The following NTM variants were observed in gnomAD, a reference collection of about 807,000 sequenced individuals.
The protein encoded by NTM is neurotrimin.
In NTM, 13 loss-of-function variants were observed where a neutral mutation model predicts 42.1. The observed-to-expected ratio is 0.31, with a 90% confidence interval of 0.20 to 0.49. The LOEUF (loss-of-function observed/expected upper bound fraction) is 0.49. NTM is among the 20% of genes least tolerant of loss of function. The pLI is 0.99. For synonymous variants in NTM, 187 were observed against 179.2 expected (o/e 1.04, Z -0.35); for missense variants, 373 against 452.8 (o/e 0.82, Z 1.60).
At chr11:131,869,070 G>T (rs1249027417) in intron 1 of NTM, among the ~76,000 whole-genome samples, 1 of 151,280 alleles carries the variant, frequency 6.6e-6, no homozygotes, top group African/African-American at 2.4e-5. Flanking sequence ...CTGACAGACA[G>T]CATGACCACG....
At chr11:131,625,298 G>T (rs972910039) in intron 1 of NTM, among the ~76,000 whole-genome samples, 12 of 152,120 alleles carry the variant, frequency 7.9e-5, no homozygotes, top group Non-Finnish European at 1.6e-4. Context: ...CCCCCATGAT[G>T]GTCTTTATGG....
intron 1 of NTM, among the ~76,000 whole-genome samples, chr11:131,637,652 C>T (rs1247627774): frequency 6.6e-6 from 1 of 151,818 alleles, no homozygotes; most frequent in African/African-American, 2.4e-5. Context: ...ATTATCTGCT[C>T]ATCTCTGCTC....
In NTM at chr11:131,488,128, A is replaced by G. The variant is rs148243588; in HGVS notation, c.82+117240A>G. On this transcript the variant is annotated intron_variant, in intron 1 of 8. Coordinates refer to ENST00000683400, the MANE Select transcript of NTM (RefSeq NM_001352005.2). ...AATCACCATGAATCCAAGAAAACTC[A>G]GGCTTCAGGGGCTTTTCCCATTATG... Among the ~76,000 whole-genome samples, 412 of 152,310 alleles carry G rather than the reference A, an allele frequency of 2.7e-3. 2 individuals carry two copies. Among genetic ancestry groups the G allele is most frequent in the African/African-American group, 9.4e-3 (389 of 41,570 alleles).
intron 1 of NTM, among the ~76,000 whole-genome samples, chr11:131,841,238 A>T (rs1301074569): frequency 6.6e-6 from 1 of 152,202 alleles, no homozygotes. Flanking sequence ...AGTTATACTT[A>T]TTGTTTGGGG....
At chr11:132,142,960 G>T (rs1591794433) in intron 2 of NTM, among the ~76,000 whole-genome samples, 1 of 152,258 alleles carries the variant, frequency 6.6e-6, no homozygotes, top group African/African-American at 2.4e-5. Flanking sequence ...TGCCCTCGTT[G>T]TGGGCATCAA....
In NTM at chr11:131,881,513, C is replaced by A. The variant is rs1242965136; in HGVS notation, c.83-30051C>A. Among the ~76,000 whole-genome samples the A allele has an allele frequency of 1.6e-4, 16 of 98,370 alleles. 2 individuals are homozygous for A. The highest frequency in any genetic ancestry group is 6.0e-3 in the Middle Eastern group (1 of 168). 64.5% of individuals were successfully genotyped at this position (98,370 alleles called of 152,430 possible). A position where few individuals can be genotyped will look rare whatever the true frequency, so the allele number is the denominator to read the frequency against. On this transcript the variant is annotated intron_variant, in intron 1 of 8. Transcript: ENST00000683400. ...ACACACACACACACACACACACCCC[C>A]CAAAGCTTTGACGCAGAGGAGCAGC...
intron 4 of NTM, among the ~76,000 whole-genome samples, chr11:132,237,058 A>G (rs1345162642): frequency 6.6e-6 from 1 of 152,192 alleles, no homozygotes; most frequent in African/African-American, 2.4e-5. Flanking sequence ...CCCTGATGAG[A>G]TCTGCTGGTT....
chr11:131,514,022 G>T (rs752957738), intron 1 of NTM, among the ~76,000 whole-genome samples: 3 of 151,998 alleles, frequency 2.0e-5, no homozygotes, highest in East Asian at 1.9e-4. Flanking sequence ...TTGGCCTAAG[G>T]CTTCACCAGG....
intron 6 of NTM, among the ~76,000 whole-genome samples, chr11:132,314,172 CCATCACCATCAT>C (rs776760151): frequency 6.8e-6 from 1 of 148,008 alleles, no homozygotes; most frequent in Admixed American, 6.7e-5. Flanking sequence ...GTCATCATCA[CCATCACCATCAT>C]CATCATCAGG....
intron 2 of NTM, among the ~76,000 whole-genome samples, chr11:131,945,079 C>T (rs1459525085): frequency 1.3e-5 from 2 of 152,140 alleles, no homozygotes; most frequent in African/African-American, 4.8e-5. Context: ...CCCCTTTCAC[C>T]AAGCACAAAT....
Position 132,201,405 on chromosome 11 carries a change from T to G in NTM, c.401-10617T>G, listed in dbSNP as rs531747493. Among the ~76,000 whole-genome samples the G allele has an allele frequency of 2.4e-3, 370 of 152,284 alleles. 3 individuals are homozygous for G. The highest frequency in any genetic ancestry group is 8.5e-3 in the African/African-American group (353 of 41,570). ...ATGAACATCAGCTGCATTCTTGCTT[T>G]GGGAAAGGAAAGTCACAGTAAGGTG... On this transcript the variant is annotated intron_variant, in intron 3 of 8. Transcript: ENST00000683400.
At chr11:131,471,505 AGT>A (rs1257666491) in intron 1 of NTM, among the ~76,000 whole-genome samples, 1 of 152,198 alleles carries the variant, frequency 6.6e-6, no homozygotes, top group African/African-American at 2.4e-5. Flanking sequence ...GTGTTTTAAG[AGT>A]GTGTAACGGA....
chr11:131,540,102 C>A (rs2052973735), intron 1 of NTM, among the ~76,000 whole-genome samples: 1 of 150,186 alleles, frequency 6.7e-6, no homozygotes, highest in South Asian at 2.1e-4. Context: ...AAATGCATAG[C>A]AACTCAACAT....
intron 2 of NTM, among the ~76,000 whole-genome samples, chr11:132,087,045 A>G (rs1047022614): frequency 6.6e-6 from 1 of 152,180 alleles, no homozygotes; most frequent in Non-Finnish European, 1.5e-5. Context: ...CTGCTCACCT[A>G]GAAAGAGGGG....
intron 1 of NTM, among the ~76,000 whole-genome samples, chr11:131,818,179 C>T (rs1041377278): frequency 9.2e-5 from 14 of 152,076 alleles, no homozygotes; most frequent in African/African-American, 3.4e-4. Flanking sequence ...ACAGTGATTT[C>T]CAGGGAATTA....
intron 1 of NTM, among the ~76,000 whole-genome samples, chr11:131,479,459 G>A (rs1042497294): frequency 3.3e-5 from 5 of 152,182 alleles, no homozygotes; most frequent in African/African-American, 1.2e-4. Context: ...CCGGAAGAAG[G>A]AATGGTGAGA....
intron 2 of NTM, among the ~76,000 whole-genome samples, chr11:132,137,695 A>T (rs534421867): frequency 7.2e-5 from 11 of 152,142 alleles, no homozygotes. Flanking sequence ...TTAGGCCTGA[A>T]GGGATAAGGG....
chr11:131,625,252 C>T (rs1226139164), intron 1 of NTM, among the ~76,000 whole-genome samples: 8 of 151,956 alleles, frequency 5.3e-5, no homozygotes, highest in Admixed American at 4.6e-4. Flanking sequence ...CATCAGAGGC[C>T]GAAATGCAGA....
chr11:132,295,414 G>A (rs950625236), intron 4 of NTM, among the ~76,000 whole-genome samples: 1 of 152,166 alleles, frequency 6.6e-6, no homozygotes, highest in African/African-American at 2.4e-5. Flanking sequence ...GTGCATAACA[G>A]AGTCACTGCT....
Sources: gnomAD v4.1 joint callset for allele counts (sites outside exome capture counted in the v4.1 genomes callset) on GRCh38, gnomAD v4.1.1 for gene constraint, MANE v1.5 for transcripts, NCBI Gene and HGNC (gene_info 2026-07-23, HGNC 2026-07-21) for gene names.